Variants in TNFSF4 observed in about 807,000 individuals in gnomAD.
TNFSF4 encodes the protein TNF superfamily member 4.
Under a neutral mutation model 7.3 loss-of-function variants are expected in TNFSF4, and 4 were observed. The ratio of observed to expected loss-of-function variants is 0.55; its 90% CI spans 0.27 to 1.25. The LOEUF (loss-of-function observed/expected upper bound fraction) is 1.25, where lower values mean the gene tolerates loss of function less well. TNFSF4 is among the 50% of genes most tolerant of loss of function. The pLI is 0.12. For synonymous variants in TNFSF4, 76 were observed against 83.7 expected (o/e 0.91, Z 0.50); for missense variants, 181 against 208.8 (o/e 0.87, Z 0.82).
chr1:173,219,710 C>T, the TNFSF4 span, among the ~76,000 whole-genome samples: 27 of 152,064 alleles, frequency 1.8e-4, no homozygotes, highest in African/African-American at 6.5e-4. Context: ...TGCAATACTA[C>T]TCAGCCATAA....
the TNFSF4 span, among the ~76,000 whole-genome samples, chr1:173,344,112 C>T: frequency 6.6e-5 from 10 of 152,162 alleles, no homozygotes; most frequent in Non-Finnish European, 2.9e-5. Context: ...ATTTCACTCC[C>T]TGTGCTAAGT....
chr1:173,359,355 T>C, the TNFSF4 span, among the ~76,000 whole-genome samples: 1 of 151,674 alleles, frequency 6.6e-6, no homozygotes, highest in Non-Finnish European at 1.5e-5. Flanking sequence ...TTATATGTGA[T>C]AGGCCCTGTG....
Position 173,184,143 on chromosome 1 carries a change from T to C in TNFSF4, c.*2373A>G, listed in dbSNP as rs1301311028. ...GCATAAGATTCTAAACTGTTAGATA[T>C]TTAACATTCCTCTCATTTAACAGAA... is the stretch of plus-strand genomic sequence containing the variant. On this transcript the variant is annotated 3_prime_UTR_variant, in exon 3 of 3. Coordinates refer to ENST00000281834, the MANE Select transcript of TNFSF4 (RefSeq NM_003326.5). The C allele has an allele frequency of 6.6e-6, 1 of 152,216 alleles. No individual in the cohort carries two copies. The highest frequency in any genetic ancestry group is 1.5e-5 in the Non-Finnish European group (1 of 68,028). The allele number at this position is 152,216 out of a possible 1,614,324, so 9.4% of individuals were successfully genotyped here. A position where few individuals can be genotyped will look rare whatever the true frequency, so the allele number is the denominator to read the frequency against.
intron 1 of TNFSF4, among the ~76,000 whole-genome samples, chr1:173,199,958 C>T (rs1367883520): frequency 1.3e-5 from 2 of 152,078 alleles, no homozygotes; most frequent in African/African-American, 2.4e-5. Context: ...AATGCTTTGA[C>T]CATTTTATAA....
the TNFSF4 span, among the ~76,000 whole-genome samples, chr1:173,396,053 C>G: frequency 6.6e-6 from 1 of 152,200 alleles, no homozygotes; most frequent in Non-Finnish European, 1.5e-5. Context: ...ACCCTCACCA[C>G]CTCTCTTTGC....
At chr1:173,270,040 T>C in the TNFSF4 span, among the ~76,000 whole-genome samples, 4,039 of 152,160 alleles carry the variant, frequency 0.027, 171 homozygotes, top group African/African-American at 0.092. Context: ...GCAGATGTGA[T>C]AGAATTTGCT....
chr1:173,180,238 C>A (rs1571176477), downstream of TNFSF4, among the ~76,000 whole-genome samples: 1 of 152,270 alleles, frequency 6.6e-6, no homozygotes, highest in South Asian at 2.1e-4. Flanking sequence ...CCATTCATTT[C>A]TTTCCAGTCG....
At chr1:173,294,685 T>C in the TNFSF4 span, among the ~76,000 whole-genome samples, 2 of 151,784 alleles carry the variant, frequency 1.3e-5, no homozygotes, top group Non-Finnish European at 2.9e-5. Context: ...AAATAATAAA[T>C]ATGTGTACAG....
chr1:173,426,819 C>T, the TNFSF4 span, among the ~76,000 whole-genome samples: 1 of 152,116 alleles, frequency 6.6e-6, no homozygotes, highest in Non-Finnish European at 1.5e-5. Context: ...CTGTCAAACT[C>T]TTGGGCTCAA....
chr1:173,305,674 CCG>C, the TNFSF4 span, among the ~76,000 whole-genome samples: 1 of 151,392 alleles, frequency 6.6e-6, no homozygotes, highest in Admixed American at 6.6e-5. Context: ...AAGATATTAC[CCG>C]AGACTGGGTA....
the TNFSF4 span, among the ~76,000 whole-genome samples, chr1:173,342,577 T>C: frequency 1.3e-5 from 2 of 152,198 alleles, no homozygotes; most frequent in Admixed American, 6.5e-5. Flanking sequence ...CTTTATTCTG[T>C]TCAACACCTC....
chr1:173,237,679 G>A, the TNFSF4 span, among the ~76,000 whole-genome samples: 6 of 152,082 alleles, frequency 3.9e-5, no homozygotes, highest in Non-Finnish European at 7.4e-5. Flanking sequence ...AGGATAAAAT[G>A]CCTAGTAATA....
chr1:173,374,558 C>T, the TNFSF4 span, among the ~76,000 whole-genome samples: 1 of 152,126 alleles, frequency 6.6e-6, no homozygotes, highest in Non-Finnish European at 1.5e-5. Flanking sequence ...ACTTGTGTCT[C>T]CTATTTTGGA....
the TNFSF4 span, among the ~76,000 whole-genome samples, chr1:173,294,547 T>C: frequency 6.6e-6 from 1 of 151,972 alleles, no homozygotes; most frequent in Non-Finnish European, 1.5e-5. Flanking sequence ...CTCCACAACA[T>C]ATATTTATGT....
At chr1:173,423,770 TG>T in the TNFSF4 span, among the ~76,000 whole-genome samples, 2 of 152,224 alleles carry the variant, frequency 1.3e-5, no homozygotes, top group Non-Finnish European at 2.9e-5. Flanking sequence ...ATATTATCCT[TG>T]GCAATTCCTT....
chr1:173,285,713 T>C, the TNFSF4 span, among the ~76,000 whole-genome samples: 2 of 152,190 alleles, frequency 1.3e-5, no homozygotes, highest in African/African-American at 2.4e-5. Context: ...AGTGATCACA[T>C]TTTTTAGCAA....
chr1:173,431,181 G>A, the TNFSF4 span, among the ~76,000 whole-genome samples: 2 of 152,266 alleles, frequency 1.3e-5, no homozygotes, highest in East Asian at 3.9e-4. Flanking sequence ...AGTTGTCTTT[G>A]GTTTTCTTTG....
the TNFSF4 span, among the ~76,000 whole-genome samples, chr1:173,282,882 T>C: frequency 2.6e-5 from 4 of 152,224 alleles, no homozygotes; most frequent in African/African-American, 9.6e-5. Context: ...AATTTTTATA[T>C]GTTATATACA....
the TNFSF4 span, among the ~76,000 whole-genome samples, chr1:173,233,571 T>C: frequency 6.6e-6 from 1 of 152,184 alleles, no homozygotes; most frequent in Non-Finnish European, 1.5e-5. Context: ...GGAATAAAGG[T>C]TACCTTGCAG....
Sources: allele counts gnomAD v4.1 joint callset (sites outside exome capture counted in the v4.1 genomes callset), GRCh38; gene constraint gnomAD v4.1.1; transcripts MANE v1.5; gene names NCBI Gene and HGNC (gene_info 2026-07-23, HGNC 2026-07-21).